The following CSGALNACT1 variants were observed in gnomAD, a reference collection of about 807,000 sequenced individuals.
CSGALNACT1 encodes chondroitin sulfate N-acetylgalactosaminyltransferase 1.
In CSGALNACT1, 52 loss-of-function variants were observed where a neutral mutation model predicts 51.0. The ratio of observed to expected loss-of-function variants is 1.02; its 90% CI spans 0.82 to 1.29. CSGALNACT1 has a LOEUF of 1.29. Among genes scored for constraint, CSGALNACT1 ranks in the 50% most tolerant of loss-of-function variants. The probability of loss-of-function intolerance (pLI) is 0.00; values close to 1 mark genes in which losing one functional copy is unlikely to be tolerated. For missense variants in CSGALNACT1, 935 were observed against 679.2 expected, an observed-to-expected ratio of 1.38 and a Z score of -4.19; for synonymous variants, 341 against 254.4, an observed-to-expected ratio of 1.34 and a Z score of -3.24.
chr8:19,598,896 T>C (rs1215251827), intron 2 of CSGALNACT1, among the ~76,000 whole-genome samples: 1 of 152,174 alleles, frequency 6.6e-6, no homozygotes, highest in Admixed American at 6.5e-5. Flanking sequence ...ACTCGCTCAT[T>C]CATTCTTTTG....
intron 8 of CSGALNACT1, among the ~76,000 whole-genome samples, chr8:19,417,815 A>G (rs1004355424): frequency 2.0e-5 from 3 of 152,222 alleles, no homozygotes; most frequent in African/African-American, 7.2e-5. Context: ...AGGTGGGAGA[A>G]GGGCCTTTTC....
chr8:19,458,488 G>A, exon 5 of CSGALNACT1: 1 of 1,614,204 alleles, frequency 6.2e-7, no homozygotes, highest in Non-Finnish European at 8.5e-7. Context: ...CGATAACATT[G>A]ATAAGCGTGT....
At chr8:19,552,133 TAAAC>T (rs1415042065) in intron 3 of CSGALNACT1, among the ~76,000 whole-genome samples, 4 of 152,154 alleles carry the variant, frequency 2.6e-5, no homozygotes, top group African/African-American at 9.7e-5. Flanking sequence ...TTAAAAGAGC[TAAAC>T]AAACAGATTA....
intron 4 of CSGALNACT1, 96 bp downstream of exon 3, chr8:19,505,105 G>A (rs1713608328): frequency 7.2e-7 from 1 of 1,383,328 alleles, no homozygotes; most frequent in South Asian, 1.2e-5. Context: ...CCATCCCAGA[G>A]CCAGCTGCCA....
chr8:19,738,427 C>A (rs2064116980), intron 1 of CSGALNACT1, among the ~76,000 whole-genome samples: 1 of 151,914 alleles, frequency 6.6e-6, no homozygotes, highest in Non-Finnish European at 1.5e-5. Flanking sequence ...TTAAATTGGT[C>A]AAATTTATAC....
intron 4 of CSGALNACT1, among the ~76,000 whole-genome samples, chr8:19,465,158 C>G (rs1414419226): frequency 6.6e-6 from 1 of 152,234 alleles, no homozygotes; most frequent in Non-Finnish European, 1.5e-5. Context: ...GAGTACCATT[C>G]TGCCTTAACA....
chr8:19,450,659 G>A lies in CSGALNACT1; in HGVS notation c.851+7767C>T, dbSNP rs941875549. ...CGCCTGTAATCCCAACACTTTGGGA[G>A]GCTGAGGCAGGCTGTAAAGTGATCT... On this transcript the variant is annotated intron_variant, in intron 5 of 9. Coordinates refer to ENST00000454498, the Ensembl canonical transcript of CSGALNACT1. Among the ~76,000 whole-genome samples the A allele has an allele frequency of 3.9e-5, 6 of 152,280 alleles. No homozygotes were observed. In the East Asian group the frequency reaches 1.2e-3, roughly 30 times the overall value.
intron 5 of CSGALNACT1, among the ~76,000 whole-genome samples, chr8:19,456,710 G>A (rs1482398775): frequency 6.6e-6 from 1 of 152,150 alleles, no homozygotes; most frequent in African/African-American, 2.4e-5. Context: ...ATGCACAAAG[G>A]AGTATTCTAC....
chr8:19,494,395 T>C (rs1459415638), intron 4 of CSGALNACT1, among the ~76,000 whole-genome samples: 1 of 152,206 alleles, frequency 6.6e-6, no homozygotes, highest in Non-Finnish European at 1.5e-5. Context: ...CCCTTCCTGA[T>C]CATTCCACTC....
chr8:19,599,482 AAGAAAGAAAG>A (rs779746275), intron 2 of CSGALNACT1, among the ~76,000 whole-genome samples: 101 of 78,986 alleles, frequency 1.3e-3, no homozygotes, highest in African/African-American at 5.3e-3. Flanking sequence ...AAAAGAAAGA[AAGAAAGAAAG>A]AAAGAAAGAA....
intron 1 of CSGALNACT1, among the ~76,000 whole-genome samples, chr8:19,630,274 G>C (rs1324896193): frequency 1.3e-5 from 2 of 149,142 alleles, no homozygotes; most frequent in East Asian, 2.0e-4. Context: ...AATTTTATTT[G>C]TAAAGACTGA....
chr8:19,746,504 C>T (rs1277168069), intron 1 of CSGALNACT1, among the ~76,000 whole-genome samples: 1 of 152,220 alleles, frequency 6.6e-6, no homozygotes, highest in African/African-American at 2.4e-5. Flanking sequence ...GCTGGGTCAT[C>T]TTAGATAAGT....
At chr8:19,642,373 AG>A (rs34634230) in intron 1 of CSGALNACT1, among the ~76,000 whole-genome samples, 2,912 of 152,316 alleles carry the variant, frequency 0.019, 38 homozygotes, top group Middle Eastern at 0.027. Flanking sequence ...ACAATAACAG[AG>A]TATCATTCTA....
At chr8:19,692,356 C>A (rs1316958402) in intron 1 of CSGALNACT1, among the ~76,000 whole-genome samples, 1 of 152,210 alleles carries the variant, frequency 6.6e-6, no homozygotes, top group Non-Finnish European at 1.5e-5. Context: ...AGTTGGAGAA[C>A]CACTGAGCTA....
chr8:19,611,861 C>T (rs1455698994), intron 1 of CSGALNACT1, among the ~76,000 whole-genome samples: 2 of 151,980 alleles, frequency 1.3e-5, no homozygotes, highest in African/African-American at 2.4e-5. Context: ...TCAGCAGAAT[C>T]GGTTTTGGTC....
At chr8:19,666,009 C>A (rs1016660457) in intron 1 of CSGALNACT1, among the ~76,000 whole-genome samples, 1 of 152,138 alleles carries the variant, frequency 6.6e-6, no homozygotes, top group Admixed American at 6.5e-5. Context: ...CTTTCTTCAT[C>A]ACAGCTCTCA....
chr8:19,686,526 T>C (rs983080389), upstream of CSGALNACT1, among the ~76,000 whole-genome samples: 1 of 152,154 alleles, frequency 6.6e-6, no homozygotes, highest in Non-Finnish European at 1.5e-5. Context: ...GGTTTGTCTG[T>C]GCCTAGGCAG....
chr8:19,637,873 A>G (rs2056282543), intron 1 of CSGALNACT1, among the ~76,000 whole-genome samples: 2 of 151,498 alleles, frequency 1.3e-5, no homozygotes, highest in African/African-American at 4.9e-5. Flanking sequence ...ACATAGAAGA[A>G]GTGAGTGCCC....
rs185466041 is a variant in CSGALNACT1, at chr8:19,463,246, T to C, written c.635-4604A>G. On this transcript the variant is annotated intron_variant, in intron 4 of 9. Coordinates refer to ENST00000454498, the Ensembl canonical transcript of CSGALNACT1. ...TGCTGATGGGCATCTAGGTTGATTC[T>C]ATGGCTTCGCTATTGTGAATAGCAC... Among the ~76,000 whole-genome samples the C allele has an allele frequency of 1.7e-4, 26 of 152,358 alleles. No individual in the cohort carries two copies. The East Asian group carries it at 4.8e-3, about 28-fold the overall frequency.
Sources: gnomAD v4.1 joint callset for allele counts (sites outside exome capture counted in the v4.1 genomes callset) on GRCh38, gnomAD v4.1.1 for gene constraint, MANE v1.5 for transcripts, NCBI Gene and HGNC (gene_info 2026-07-23, HGNC 2026-07-21) for gene names.